Variants in PDZRN4 observed in about 807,000 individuals in gnomAD.
PDZRN4 encodes the protein PDZ domain-containing RING finger protein 4.
Under a neutral mutation model 99.0 loss-of-function variants are expected in PDZRN4, and 70 were observed. The observed-to-expected ratio is 0.71, with a 90% CI of 0.58 to 0.86. PDZRN4 has a LOEUF of 0.86. PDZRN4 is among the 40% of genes least tolerant of loss of function. The pLI is 0.00. For missense variants in PDZRN4, 1,474 were observed against 1,331.2 expected, an observed-to-expected ratio of 1.11 and a Z score of -1.67; for synonymous variants, 551 against 501.6, an observed-to-expected ratio of 1.10 and a Z score of -1.32.
At chr12:41,251,150 T>C (rs1566395525) in intron 3 of PDZRN4, among the ~76,000 whole-genome samples, 2 of 152,202 alleles carry the variant, frequency 1.3e-5, no homozygotes. Flanking sequence ...TACAATAGTT[T>C]TGGTACCCAT....
chr12:41,381,035 A>G (rs150193803), intron 3 of PDZRN4, among the ~76,000 whole-genome samples: 33 of 152,196 alleles, frequency 2.2e-4, no homozygotes, highest in African/African-American at 7.7e-4. Flanking sequence ...TCAATATTTT[A>G]AACATATCAC....
intron 3 of PDZRN4, among the ~76,000 whole-genome samples, chr12:41,446,430 G>T (rs1952729426): frequency 6.6e-6 from 1 of 151,408 alleles, no homozygotes; most frequent in Admixed American, 6.6e-5. Flanking sequence ...TACTTAGTAT[G>T]GTTTAAAAAA....
Position 41,443,642 on chromosome 12 carries a change from T to C in PDZRN4, c.844-62814T>C, listed in dbSNP as rs964539081. ...CAACAAGCGAAACCAACCAGGAGGC[T>C]GCTGAAAAGCCTAAGTTAGTGGTCA... On this transcript the variant is annotated intron_variant, in intron 3 of 9. Transcript: ENST00000402685. 1.1e-4 allele frequency among the ~76,000 whole-genome samples: 17 copies of C among 152,230 alleles called. No homozygotes were observed. In the East Asian group the frequency reaches 3.1e-3, roughly 28 times the overall value.
At chr12:41,231,160 G>A (rs1951027064) in intron 3 of PDZRN4, among the ~76,000 whole-genome samples, 2 of 152,154 alleles carry the variant, frequency 1.3e-5, no homozygotes, top group South Asian at 4.1e-4. Context: ...ACACTCATTA[G>A]GGCTAAACAG....
chr12:41,315,214 C>T (rs2120959315), intron 3 of PDZRN4, among the ~76,000 whole-genome samples: 1 of 152,268 alleles, frequency 6.6e-6, no homozygotes, highest in African/African-American at 2.4e-5. Flanking sequence ...ATGAACTCTA[C>T]TTGTCCTTGT....
At chr12:41,394,351 C>T (rs928747486) in intron 3 of PDZRN4, among the ~76,000 whole-genome samples, 5 of 152,224 alleles carry the variant, frequency 3.3e-5, no homozygotes, top group South Asian at 2.1e-4. Flanking sequence ...AGATGCTATT[C>T]CAAGAGTGAC....
chr12:41,424,100 T>A (rs930945228), intron 3 of PDZRN4, among the ~76,000 whole-genome samples: 1 of 152,210 alleles, frequency 6.6e-6, no homozygotes, highest in African/African-American at 2.4e-5. Context: ...ATGTCTGGTT[T>A]CCTGCAAGCC....
rs182572247 is a variant in PDZRN4 at position 41,329,099 on chromosome 12, A to G, written c.843+134911A>G. Among the ~76,000 whole-genome samples, 243 of 152,234 alleles carry G rather than the reference A, an allele frequency of 1.6e-3. 1 individual carries two copies. The highest frequency in any genetic ancestry group is 5.2e-3 in the African/African-American group (215 of 41,574). ...TTTAAATTTCTTCCTCTGCAAGTGA[A>G]TCTAGGGATAAGGTTAGAATCGTAT... On this transcript the variant is annotated intron_variant, in intron 3 of 9. Coordinates refer to ENST00000402685, the MANE Select transcript of PDZRN4 (RefSeq NM_001164595.2).
In PDZRN4 at chr12:41,573,636, G is replaced by T; in HGVS notation, c.2857G>T (p.Ala953Ser). 6.2e-7 allele frequency: 1 copy of T among 1,614,034 alleles called. No homozygotes were observed. Among genetic ancestry groups the T allele is most frequent in the East Asian group, 2.2e-5 (1 of 44,858 alleles). The change falls in exon 10 of 10, where the codon GCC (alanine) becomes TCC (serine). Residue 953 changes from alanine to serine, a missense_variant. Physicochemically the swap from Ala to Ser is moderately conservative, Grantham distance 99. Coordinates refer to ENST00000402685, the MANE Select transcript of PDZRN4 (RefSeq NM_001164595.2). ...KEERKQHLVR[A>S]KEQRRRREFM... ...GGAGAGAAAGCAGCACCTGGTTAGGGCCAAAGAGCAGCGCCGTCGCCGTGA... is the reference window on the plus strand; with the variant it reads ...GGAGAGAAAGCAGCACCTGGTTAGGTCCAAAGAGCAGCGCCGTCGCCGTGA...
intron 3 of PDZRN4, among the ~76,000 whole-genome samples, chr12:41,431,543 C>A (rs1329769924): frequency 6.6e-6 from 1 of 152,198 alleles, no homozygotes; most frequent in Non-Finnish European, 1.5e-5. Flanking sequence ...TCTTCACAGT[C>A]AGCCTGTAGG....
chr12:41,384,778 G>A (rs186586955), intron 3 of PDZRN4, among the ~76,000 whole-genome samples: 2 of 152,236 alleles, frequency 1.3e-5, no homozygotes, highest in Admixed American at 1.3e-4. Context: ...TGTGCCCTGG[G>A]TGAGACTCAA....
intron 8 of PDZRN4, among the ~76,000 whole-genome samples, chr12:41,565,590 T>A (rs558332840): frequency 1.8e-4 from 28 of 152,268 alleles, no homozygotes; most frequent in African/African-American, 2.9e-4. Context: ...TAGCTTTTTT[T>A]AAACATTTTT....
intron 3 of PDZRN4, among the ~76,000 whole-genome samples, chr12:41,253,287 T>C (rs1469492738): frequency 6.6e-6 from 1 of 152,202 alleles, no homozygotes; most frequent in African/African-American, 2.4e-5. Context: ...TTTCTTCTAG[T>C]AGTTTCATAG....
At chr12:41,258,998 C>G (rs1279673639) in intron 3 of PDZRN4, among the ~76,000 whole-genome samples, 1 of 152,134 alleles carries the variant, frequency 6.6e-6, no homozygotes, top group Non-Finnish European at 1.5e-5. Flanking sequence ...TTAACACTCT[C>G]CTTTATCATA....
intron 3 of PDZRN4, among the ~76,000 whole-genome samples, chr12:41,296,217 T>C (rs1310760955): frequency 1.3e-5 from 2 of 152,176 alleles, no homozygotes; most frequent in East Asian, 3.9e-4. Flanking sequence ...ATCAAGATTC[T>C]AAAGGATTTC....
At position 41,350,860 on chromosome 12, in the gene PDZRN4, G is replaced by A. The variant is rs187395097; in HGVS notation, c.844-155596G>A. Among the ~76,000 whole-genome samples the A allele has an allele frequency of 7.7e-4, 117 of 152,120 alleles. 1 individual carries two copies. The East Asian group carries it at 0.021, about 27-fold the overall frequency. The stretch of plus-strand genomic sequence containing the variant: ...GGACTGGAGTTTGTCTGACCCAGAA[G>A]CAGCCTCCCTCTCAGGGTAGAAACA... On this transcript the variant is annotated intron_variant, in intron 3 of 9. Coordinates refer to ENST00000402685, the MANE Select transcript of PDZRN4 (RefSeq NM_001164595.2).
chr12:41,348,373 T>A (rs922819801), intron 3 of PDZRN4, among the ~76,000 whole-genome samples: 1 of 152,086 alleles, frequency 6.6e-6, no homozygotes, highest in Non-Finnish European at 1.5e-5. Context: ...GCCTTTTTCA[T>A]TGTATGAATA....
chr12:41,450,313 T>G (rs1952764238), intron 3 of PDZRN4, among the ~76,000 whole-genome samples: 1 of 152,150 alleles, frequency 6.6e-6, no homozygotes, highest in Non-Finnish European at 1.5e-5. Flanking sequence ...TCAGTTAAGC[T>G]TTTCAGGAAA....
At chr12:41,503,416 T>C (rs1938144499) in intron 3 of PDZRN4, among the ~76,000 whole-genome samples, 1 of 152,148 alleles carries the variant, frequency 6.6e-6, no homozygotes, top group Non-Finnish European at 1.5e-5. Flanking sequence ...GTATAGGTCA[T>C]ATAATAAATA....
Sources: allele counts gnomAD v4.1 joint callset (sites outside exome capture counted in the v4.1 genomes callset), GRCh38; gene constraint gnomAD v4.1.1; transcripts MANE v1.5; gene names NCBI Gene and HGNC (gene_info 2026-07-23, HGNC 2026-07-21).